TFB1M: variants seen among roughly 807,000 people sequenced by gnomAD.
The protein encoded by TFB1M is dimethyladenosine transferase 1, mitochondrial.
TFB1M carries 27 observed loss-of-function variants against 31.1 expected under a neutral mutation model. The ratio of observed to expected loss-of-function variants is 0.87; its 90% CI spans 0.64 to 1.20. TFB1M has a LOEUF of 1.20. TFB1M is among the 50% of genes most tolerant of loss of function. The pLI is 0.00. For missense variants in TFB1M, 394 were observed against 418.7 expected, an observed-to-expected ratio of 0.94 and a Z score of 0.51; for synonymous variants, 166 against 151.8, an observed-to-expected ratio of 1.09 and a Z score of -0.69.
the TFB1M span, chr6:155,244,820 G>A: frequency 5.6e-4 from 879 of 1,575,996 alleles, 14 homozygotes; most frequent in East Asian, 0.017. Flanking sequence ...GTAAAAATAC[G>A]TGGCTATGGT....
At chr6:155,314,167 A>G in intron 1 of TFB1M, 129 bp downstream of exon 1, 2 of 1,542,202 alleles carry the variant, frequency 1.3e-6, no homozygotes, top group Non-Finnish European at 1.7e-6. Flanking sequence ...AAAGAGGTCG[A>G]AGGACCTGAC....
At chr6:155,305,713 T>TTATATATTTATATATAAATATATATTAAA in intron 2 of TFB1M, among the ~76,000 whole-genome samples, 1 of 51,096 alleles carries the variant, frequency 2.0e-5, no homozygotes, top group African/African-American at 7.3e-5. Flanking sequence ...ATATATTAAA[T>TTATATATTTATATATAAATATATATTAAA]TATATATTTA....
the TFB1M span, among the ~76,000 whole-genome samples, chr6:155,234,508 T>G: frequency 6.6e-6 from 1 of 152,226 alleles, no homozygotes; most frequent in Non-Finnish European, 1.5e-5. Context: ...GCTCAAGCCA[T>G]CCTCCTGACT....
At chr6:155,245,549 G>A in the TFB1M span, 1 of 1,205,044 alleles carries the variant, frequency 8.3e-7, no homozygotes, top group Non-Finnish European at 1.2e-6. Flanking sequence ...GAAGCCATGG[G>A]GCCGTCAAAT....
intron 5 of TFB1M, among the ~76,000 whole-genome samples, chr6:155,267,327 G>A (rs1547244): frequency 0.66 from 99,863 of 152,102 alleles, 33,537 homozygotes; most frequent in East Asian, 0.98. Context: ...CCATCTCATA[G>A]CTGTTGAAGT....
At chr6:155,292,085 G>C (rs1776951545) in intron 4 of TFB1M, among the ~76,000 whole-genome samples, 1 of 152,192 alleles carries the variant, frequency 6.6e-6, no homozygotes, top group African/African-American at 2.4e-5. Context: ...ATGAGCCTTA[G>C]ATGCCCGGCC....
intron 5 of TFB1M, among the ~76,000 whole-genome samples, chr6:155,279,230 C>T (rs1030935818): frequency 1.3e-5 from 2 of 149,752 alleles, no homozygotes; most frequent in Admixed American, 6.6e-5. Context: ...TTTTTTTAAC[C>T]TGTGGAGCAC....
At chr6:155,247,318 T>C in the TFB1M span, among the ~76,000 whole-genome samples, 1 of 152,114 alleles carries the variant, frequency 6.6e-6, no homozygotes, top group Admixed American at 6.5e-5. Context: ...ATAACATTGC[T>C]TAATGGCTTT....
At position 155,314,028 on chromosome 6, in the gene TFB1M, C is replaced by A. The variant is rs555631727; in HGVS notation, c.133+268G>T. ...CTAGCGCCTTTCACGACCCATGAAC[C>A]CTTCCTCCCCTAGGGAGCTTGGCAT... On this transcript the variant is annotated intron_variant, in intron 1 of 6. Transcript: ENST00000367166. 8.2e-5 allele frequency: 102 copies of A among 1,241,930 alleles called. No individual in the cohort carries two copies. The African/African-American group carries it at 1.5e-3, about 18-fold the overall frequency. 76.9% of individuals were successfully genotyped at this position (1,241,930 alleles called of 1,614,324 possible).
the TFB1M span, chr6:155,240,488 G>C: frequency 1.3e-6 from 2 of 1,565,994 alleles, no homozygotes; most frequent in East Asian, 2.3e-5. Context: ...TACTATCAGG[G>C]AGAGGCCCGT....
At chr6:155,231,762 A>T in the TFB1M span, among the ~76,000 whole-genome samples, 1 of 152,264 alleles carries the variant, frequency 6.6e-6, no homozygotes, top group East Asian at 1.9e-4. Context: ...CCAGATGTGC[A>T]GGATCCACCT....
intron 3 of TFB1M, among the ~76,000 whole-genome samples, chr6:155,297,475 G>C (rs945959057): frequency 3.9e-5 from 6 of 152,146 alleles, no homozygotes; most frequent in African/African-American, 1.4e-4. Flanking sequence ...GCCCAGGAAG[G>C]GGGTACAGGC....
chr6:155,314,107 A>G, intron 1 of TFB1M, 189 bp downstream of exon 1: 2 of 1,473,896 alleles, frequency 1.4e-6, no homozygotes, highest in Non-Finnish European at 1.8e-6. Flanking sequence ...TTTGTGAGCA[A>G]TCAACGCACT....
chr6:155,296,964 C>T lies in TFB1M; in HGVS notation c.535G>A (p.Glu179Lys). ...ATGTTAAAACTTACCTCTGCCACTT[C>T]CTTTTGAAAAGTCAAAGTCATCTGA... is the stretch of plus-strand genomic sequence containing the variant. ...RTQMTLTFQK[E>K]VAERLAANTG... Residue 179 changes from glutamate to lysine, a missense_variant, in exon 4 of 7, where the codon GAA becomes AAA. Glu to Lys is a moderately conservative substitution (Grantham distance 56). Around this residue, in one of 3 missense-constraint regions of TFB1M, gnomAD observed 273 missense variants for 256.4 expected, o/e 1.06. Coordinates refer to ENST00000367166, the MANE Select transcript of TFB1M (RefSeq NM_016020.4). 3 of 1,613,876 alleles carry T rather than the reference C, an allele frequency of 1.9e-6. No individual in the cohort carries two copies. Among genetic ancestry groups the T allele is most frequent in the Non-Finnish European group, 1.7e-6 (2 of 1,179,910 alleles).
intron 5 of TFB1M, chr6:155,276,519 A>C: frequency 1.4e-6 from 1 of 713,820 alleles, no homozygotes. Flanking sequence ...AAGTAGTTTA[A>C]AATGCCAATA....
intron 4 of TFB1M, among the ~76,000 whole-genome samples, chr6:155,293,805 T>C (rs765344988): frequency 9.2e-5 from 14 of 152,212 alleles, no homozygotes; most frequent in Non-Finnish European, 1.3e-4. Context: ...CTTGATTCAC[T>C]CCCTGTTATA....
intron 5 of TFB1M, among the ~76,000 whole-genome samples, chr6:155,283,682 A>G (rs541910512): frequency 3.3e-5 from 5 of 152,270 alleles, no homozygotes; most frequent in African/African-American, 9.6e-5. Flanking sequence ...CGTTAGTAAA[A>G]CTTAAATAGC....
the TFB1M span, chr6:155,248,309 C>A: frequency 1.9e-6 from 2 of 1,064,906 alleles, no homozygotes; most frequent in Non-Finnish European, 2.6e-6. Flanking sequence ...TTCAGTTCTG[C>A]GATGGTTAAT....
Position 155,285,286 on chromosome 6 carries a change from A to C in TFB1M, c.547-9T>G. 1 of 1,613,748 alleles carries C rather than the reference A, an allele frequency of 6.2e-7. No individual in the cohort carries two copies. ...GTATTGGCTGCAAGTCTCTAGAGAG[A>C]GACAAAAATGAATTTTAGCAAATAA... On this transcript the variant is annotated splice_polypyrimidine_tract_variant and intron_variant, in intron 4 of 6. Coordinates refer to ENST00000367166, the MANE Select transcript of TFB1M (RefSeq NM_016020.4).
Sources: allele counts gnomAD v4.1 joint callset (sites outside exome capture counted in the v4.1 genomes callset), GRCh38; gene constraint gnomAD v4.1.1; regional missense constraint gnomAD v4.1.1; transcripts MANE v1.5; gene names NCBI Gene and HGNC (gene_info 2026-07-23, HGNC 2026-07-21).